The following ULK4 variants were observed in gnomAD, a reference collection of about 807,000 sequenced individuals.
ULK4 encodes the protein inactive serine/threonine-protein kinase ULK4.
Under a neutral mutation model 160.6 loss-of-function variants are expected in ULK4, and 133 were observed. The ratio of observed to expected loss-of-function variants is 0.83; its 90% CI spans 0.72 to 0.96. The LOEUF (loss-of-function observed/expected upper bound fraction) is 0.96. Among genes scored for constraint, ULK4 ranks in the 40% least tolerant of loss-of-function variants. ULK4 has a pLI of 0.00. For missense variants in ULK4, 1,580 were observed against 1,499.5 expected (o/e 1.05, Z -0.89); for synonymous variants, 534 against 539.8 (o/e 0.99, Z 0.15).
At chr3:41,460,681 C>A (rs975152795) in intron 33 of ULK4, among the ~76,000 whole-genome samples, 2 of 152,006 alleles carry the variant, frequency 1.3e-5, no homozygotes, top group African/African-American at 4.8e-5. Context: ...CACAGGAGGC[C>A]CCCTGTAAAC....
chr3:41,398,388 CT>C (rs11331714), intron 34 of ULK4, 124 bp from the exon 35 acceptor site: 253,197 of 698,532 alleles, frequency 0.36, 15,762 homozygotes, highest in African/African-American at 0.54. Flanking sequence ...TACTTTTTTA[CT>C]TTTTTTTTTT....
chr3:41,591,844 G>A (rs1215707954), intron 31 of ULK4, among the ~76,000 whole-genome samples: 4 of 152,306 alleles, frequency 2.6e-5, no homozygotes, highest in East Asian at 1.9e-4. Context: ...GGTCATACCA[G>A]CTGAACTGTA....
At chr3:41,296,212 G>GA (rs2079664847) in intron 35 of ULK4, among the ~76,000 whole-genome samples, 1 of 152,196 alleles carries the variant, frequency 6.6e-6, no homozygotes, top group South Asian at 2.1e-4. Context: ...TGTGGAGGCA[G>GA]AAAGTATATG....
intron 32 of ULK4, among the ~76,000 whole-genome samples, chr3:41,533,341 A>G (rs2125942888): frequency 6.6e-6 from 1 of 152,314 alleles, no homozygotes; most frequent in African/African-American, 2.4e-5. Context: ...AAATCCTTAG[A>G]TTTTCCCTTT....
At chr3:41,904,899 A>G (rs1413027179) in intron 12 of ULK4, among the ~76,000 whole-genome samples, 1 of 152,144 alleles carries the variant, frequency 6.6e-6, no homozygotes, top group Non-Finnish European at 1.5e-5. Flanking sequence ...AACACTTAAC[A>G]TTGTTAAAAT....
At chr3:41,909,858 G>A (rs879402614) in intron 11 of ULK4, among the ~76,000 whole-genome samples, 9 of 151,974 alleles carry the variant, frequency 5.9e-5, no homozygotes, top group African/African-American at 1.2e-4. Context: ...ATTTCTCTAC[G>A]TTAAAAAATA....
At position 41,789,720 on chromosome 3, in the gene ULK4, T is replaced by G. The variant is rs755506104; in HGVS notation, c.2134A>C (p.Thr712Pro). The change falls in exon 21 of 37, where the codon ACC (threonine) becomes CCC (proline). Residue 712 changes from threonine to proline, a missense_variant. Coordinates refer to ENST00000301831, the MANE Select transcript of ULK4 (RefSeq NM_017886.4). ...CAGGACAACATGGCAGCGAATAAGG[T>G]CAACATGTACTGCTGAACTTTGCAG... ...AICKVQQYMLTLFAAMLSCGI... is the reference protein window; with the variant it reads ...AICKVQQYMLPLFAAMLSCGI... 2.5e-6 allele frequency: 4 copies of G among 1,613,106 alleles called. No individual in the cohort carries two copies. Among genetic ancestry groups the G allele is most frequent in the Non-Finnish European group, 3.4e-6 (4 of 1,179,524 alleles).
intron 34 of ULK4, among the ~76,000 whole-genome samples, chr3:41,429,737 C>T (rs1287122686): frequency 1.4e-5 from 2 of 148,108 alleles, no homozygotes; most frequent in East Asian, 2.0e-4. Flanking sequence ...TGGGGCCTGT[C>T]GGTGGGGGTG....
intron 30 of ULK4, among the ~76,000 whole-genome samples, chr3:41,658,250 T>C (rs776747636): frequency 6.6e-6 from 1 of 152,152 alleles, no homozygotes; most frequent in African/African-American, 2.4e-5. Flanking sequence ...CTTACACCAG[T>C]GGTTCTCAAA....
intron 25 of ULK4, among the ~76,000 whole-genome samples, chr3:41,710,004 A>G (rs1247366423): frequency 6.6e-6 from 1 of 152,100 alleles, no homozygotes; most frequent in Non-Finnish European, 1.5e-5. Context: ...AAGGACAAGC[A>G]CTGCTTCCTT....
intron 29 of ULK4, among the ~76,000 whole-genome samples, chr3:41,664,720 T>G (rs960420548): frequency 2.6e-5 from 4 of 152,292 alleles, no homozygotes; most frequent in South Asian, 2.1e-4. Flanking sequence ...TACAATATTT[T>G]GTTTACAAAA....
intron 35 of ULK4, among the ~76,000 whole-genome samples, chr3:41,392,327 G>A (rs2081974848): frequency 6.6e-6 from 1 of 152,142 alleles, no homozygotes; most frequent in Non-Finnish European, 1.5e-5. Context: ...GAGCACCCTA[G>A]AGGCAAAACA....
chr3:41,566,201 A>C, intron 31 of ULK4, 71 bp from the exon 32 acceptor site: 1 of 1,328,574 alleles, frequency 7.5e-7, no homozygotes, highest in Non-Finnish European at 1.1e-6. Flanking sequence ...ACAAATAAGC[A>C]AATGATGTCC....
At chr3:41,625,947 C>A (rs2033485638) in intron 30 of ULK4, among the ~76,000 whole-genome samples, 1 of 152,168 alleles carries the variant, frequency 6.6e-6, no homozygotes, top group African/African-American at 2.4e-5. Flanking sequence ...GCTAAGCACA[C>A]TGTGTTTAAG....
chr3:41,866,462 T>C (rs547294163), intron 17 of ULK4, among the ~76,000 whole-genome samples: 1 of 152,330 alleles, frequency 6.6e-6, no homozygotes, highest in South Asian at 2.1e-4. Flanking sequence ...TAGATTTTCA[T>C]AAAGTGTGCA....
intron 35 of ULK4, among the ~76,000 whole-genome samples, chr3:41,333,788 C>T (rs1038959815): frequency 1.3e-5 from 2 of 151,970 alleles, no homozygotes; most frequent in African/African-American, 2.4e-5. Context: ...ACATCAGAAT[C>T]GCGGGGAACA....
In ULK4 at chr3:41,900,801, T is replaced by C; in HGVS notation, c.1211A>G (p.Asp404Gly). Reference protein sequence around the residue: ...KITSGHLSQQDLESQMRELIY... With the variant: ...KITSGHLSQQGLESQMRELIY... ...AAGCTCTCTCATCTGGGATTCCAGG[T>C]CCTGCTGACTCAGGTGTCCACTTGT... Residue 404 changes from aspartate (D) to glycine (G), a missense_variant, in exon 13 of 37, where the codon GAC becomes GGC. Coordinates refer to ENST00000301831, the MANE Select transcript of ULK4 (RefSeq NM_017886.4). 1 of 1,613,508 alleles carries C rather than the reference T, an allele frequency of 6.2e-7. No individual in the cohort carries two copies. The highest frequency in any genetic ancestry group is 8.5e-7 in the Non-Finnish European group (1 of 1,179,642).
chr3:41,370,247 A>G (rs1303765976), intron 35 of ULK4, among the ~76,000 whole-genome samples: 2 of 152,168 alleles, frequency 1.3e-5, no homozygotes, highest in Non-Finnish European at 2.9e-5. Context: ...TTAAAACCAA[A>G]TATTTTGGAG....
intron 34 of ULK4, among the ~76,000 whole-genome samples, chr3:41,421,352 T>C (rs916140369): frequency 2.0e-5 from 3 of 152,206 alleles, no homozygotes; most frequent in Non-Finnish European, 4.4e-5. Context: ...TGTTGACTAG[T>C]AGTGGCATTC....
Sources: gnomAD v4.1 joint callset for allele counts (sites outside exome capture counted in the v4.1 genomes callset) on GRCh38, gnomAD v4.1.1 for gene constraint, MANE v1.5 for transcripts, NCBI Gene and HGNC (gene_info 2026-07-23, HGNC 2026-07-21) for gene names.